Variants in RIC1 observed in about 807,000 individuals in gnomAD.
The protein encoded by RIC1 is guanine nucleotide exchange factor subunit RIC1.
In RIC1, 88 loss-of-function variants were observed where a neutral mutation model predicts 169.0. That is an observed-to-expected ratio of 0.52 (90% CI 0.44 to 0.62). The LOEUF (loss-of-function observed/expected upper bound fraction) is 0.62. Among genes scored for constraint, RIC1 ranks in the 20% least tolerant of loss-of-function variants. RIC1 has a pLI of 0.00. For synonymous variants in RIC1, 790 were observed against 601.5 expected, an observed-to-expected ratio of 1.31 and a Z score of -4.59; for missense variants, 1,877 against 1,725.5, an observed-to-expected ratio of 1.09 and a Z score of -1.56.
intron 17 of RIC1, among the ~76,000 whole-genome samples, 164 bp downstream of exon 17, chr9:5,757,615 C>T (rs1272259728): frequency 6.6e-6 from 1 of 151,142 alleles, no homozygotes; most frequent in Non-Finnish European, 1.5e-5. Context: ...ATGGTTTCTG[C>T]TCAGGCATTA....
intron 2 of RIC1, among the ~76,000 whole-genome samples, chr9:5,682,014 G>T (rs1820875629): frequency 6.6e-6 from 1 of 152,128 alleles, no homozygotes; most frequent in Admixed American, 6.5e-5. Flanking sequence ...TTGTTTGGTA[G>T]ATCTTCCTCC....
chr9:5,641,572 C>A (rs1021716020), intron 1 of RIC1, among the ~76,000 whole-genome samples: 3 of 151,984 alleles, frequency 2.0e-5, no homozygotes, highest in African/African-American at 7.2e-5. Context: ...TTGCCCTTTT[C>A]ATGCTATTTT....
At chr9:5,752,543 C>T (rs1035847489) in intron 12 of RIC1, among the ~76,000 whole-genome samples, 4 of 151,584 alleles carry the variant, frequency 2.6e-5, no homozygotes, top group African/African-American at 7.3e-5. Flanking sequence ...CGGGTTCAAG[C>T]GATTGTCCTG....
Position 5,747,471 on chromosome 9 carries a change from C to A in RIC1, c.1418C>A (p.Thr473Asn). The A allele has an allele frequency of 6.2e-7, 1 of 1,614,062 alleles. No individual in the cohort carries two copies. Among genetic ancestry groups the A allele is most frequent in the Non-Finnish European group, 8.5e-7 (1 of 1,179,924 alleles). ...GGTTTAGAGTCTCAGGGATTAAGCA[C>A]TTTACTTGGACATCGGCATTGGCAT... ...DGGLESQGLS[T>N]LLGHRHWHVV... The change falls in exon 12 of 26, where the codon ACT becomes AAT. Residue 473 changes from threonine (T) to asparagine (N), a missense_variant. Thr to Asn is a moderately conservative substitution (Grantham distance 65, BLOSUM62 0). Transcript: ENST00000414202.
At chr9:5,727,425 G>A (rs1356931873) in intron 6 of RIC1, among the ~76,000 whole-genome samples, 1 of 152,176 alleles carries the variant, frequency 6.6e-6, no homozygotes, top group South Asian at 2.1e-4. Context: ...GTTTATTCTA[G>A]TTAGCCATTT....
At chr9:5,742,357 T>A (rs1825131073) in intron 8 of RIC1, among the ~76,000 whole-genome samples, 1 of 152,156 alleles carries the variant, frequency 6.6e-6, no homozygotes, top group African/African-American at 2.4e-5. Flanking sequence ...TTTTTATTGT[T>A]TTGAGGATTT....
chr9:5,776,079 A>C lies in RIC1; in HGVS notation c.*1833A>C, dbSNP rs1205190883. ...ATTATAAAGAGCTGTGATCTTTTCA[A>C]GTATCTGAAATAAAACACTGTGCTG... On this transcript the variant is annotated 3_prime_UTR_variant, in exon 26 of 26. Coordinates refer to ENST00000414202, the MANE Select transcript of RIC1 (RefSeq NM_020829.4). 1 of 152,192 alleles carries C rather than the reference A, an allele frequency of 6.6e-6. No homozygotes were observed. Among genetic ancestry groups the C allele is most frequent in the East Asian group, 1.9e-4 (1 of 5,202 alleles). The allele number at this position is 152,192 out of a possible 1,614,324, so 9.4% of individuals were successfully genotyped here.
At chr9:5,738,637 C>G in intron 8 of RIC1, 99 bp downstream of exon 8, 1 of 645,072 alleles carries the variant, frequency 1.6e-6, no homozygotes, top group South Asian at 2.8e-5. Flanking sequence ...ACATGTCATG[C>G]TATAGGTCAA....
intron 4 of RIC1, among the ~76,000 whole-genome samples, chr9:5,718,260 A>C (rs528027598): frequency 2.6e-5 from 4 of 151,732 alleles, no homozygotes; most frequent in African/African-American, 9.7e-5. Flanking sequence ...ATTTAGTTAC[A>C]GTTTGTTTTC....
chr9:5,719,620 A>T (rs1465253326), intron 4 of RIC1: 1 of 152,426 alleles, frequency 6.6e-6, no homozygotes, highest in Admixed American at 6.5e-5. Flanking sequence ...CTAGTCACAC[A>T]TGAATTTATT....
At chr9:5,729,193 G>T (rs1021958768) in intron 6 of RIC1, among the ~76,000 whole-genome samples, 2 of 152,196 alleles carry the variant, frequency 1.3e-5, no homozygotes, top group Non-Finnish European at 1.5e-5. Flanking sequence ...CCTGTTTTCA[G>T]TGTGGTCCAT....
intron 2 of RIC1, among the ~76,000 whole-genome samples, chr9:5,668,245 G>C (rs1172121417): frequency 6.6e-6 from 1 of 152,156 alleles, no homozygotes; most frequent in South Asian, 2.1e-4. Flanking sequence ...TGACACAGGG[G>C]ATTATGGGAA....
intron 2 of RIC1, among the ~76,000 whole-genome samples, chr9:5,675,159 G>A (rs1342670389): frequency 1.3e-5 from 2 of 152,102 alleles, no homozygotes; most frequent in Non-Finnish European, 2.9e-5. Flanking sequence ...GGGTTAGACC[G>A]CACAGGCTAA....
At chr9:5,687,463 C>G (rs750062605) in intron 2 of RIC1, among the ~76,000 whole-genome samples, 3 of 151,914 alleles carry the variant, frequency 2.0e-5, no homozygotes, top group African/African-American at 7.2e-5. Context: ...TCCTTTTTTT[C>G]TAATATAAGT....
intron 15 of RIC1, 89 bp from the exon 16 acceptor site, chr9:5,756,123 C>T (rs1825998357): frequency 1.1e-5 from 8 of 698,004 alleles, no homozygotes; most frequent in South Asian, 5.7e-5. Flanking sequence ...AAAAAAAAGT[C>T]GGAAGTTAAA....
intron 12 of RIC1, among the ~76,000 whole-genome samples, chr9:5,751,192 T>C (rs2131024970): frequency 6.6e-6 from 1 of 151,980 alleles, no homozygotes; most frequent in African/African-American, 2.4e-5. Flanking sequence ...GGATTCCTTT[T>C]AGTGCAATGG....
chr9:5,635,077 T>A (rs1817906159), intron 1 of RIC1, among the ~76,000 whole-genome samples: 1 of 152,194 alleles, frequency 6.6e-6, no homozygotes, highest in African/African-American at 2.4e-5. Context: ...AGCCTCGACC[T>A]CTTGGGCTCA....
At chr9:5,629,946 C>T (rs1293867274) in intron 1 of RIC1, among the ~76,000 whole-genome samples, 1 of 152,246 alleles carries the variant, frequency 6.6e-6, no homozygotes, top group African/African-American at 2.4e-5. Context: ...CTACAAACTA[C>T]AGCCTGAATT....
At chr9:5,657,168 C>A (rs890106952) in intron 2 of RIC1, among the ~76,000 whole-genome samples, 2 of 151,956 alleles carry the variant, frequency 1.3e-5, no homozygotes, top group African/African-American at 4.8e-5. Flanking sequence ...ATTTAAATTC[C>A]TCCCTTCCAT....
Sources: allele counts gnomAD v4.1 joint callset (sites outside exome capture counted in the v4.1 genomes callset), GRCh38; gene constraint gnomAD v4.1.1; transcripts MANE v1.5; gene names NCBI Gene and HGNC (gene_info 2026-07-23, HGNC 2026-07-21).